The following ADGRL3 variants were observed in gnomAD, a reference collection of about 807,000 sequenced individuals.
ADGRL3 encodes the protein calcium-independent alpha-latrotoxin receptor 3.
Under a neutral mutation model 153.5 loss-of-function variants are expected in ADGRL3, and 62 were observed. The ratio of observed to expected loss-of-function variants is 0.40; its 90% CI spans 0.33 to 0.50. The LOEUF is 0.50. ADGRL3 is among the 20% of genes least tolerant of loss of function. ADGRL3 has a pLI of 0.47. For synonymous variants in ADGRL3, 710 were observed against 672.5 expected (o/e 1.06, Z -0.86); for missense variants, 1,641 against 1,859.4 (o/e 0.88, Z 2.16).
At chr4:61,523,584 G>A (rs1228472821) in intron 4 of ADGRL3, among the ~76,000 whole-genome samples, 1 of 152,030 alleles carries the variant, frequency 6.6e-6, no homozygotes, top group Non-Finnish European at 1.5e-5. Context: ...CTTATTTTAT[G>A]TGGGAAGAAA....
chr4:61,426,705 G>A (rs1193860407), intron 2 of ADGRL3: 2 of 152,240 alleles, frequency 1.3e-5, no homozygotes, highest in Non-Finnish European at 2.9e-5. Context: ...AACACAAAAG[G>A]CTCTTTACCT....
chr4:61,498,687 TTG>T (rs2098349009), intron 3 of ADGRL3, among the ~76,000 whole-genome samples: 1 of 152,214 alleles, frequency 6.6e-6, no homozygotes, highest in African/African-American at 2.4e-5. Context: ...TTAGACATCT[TTG>T]TATTTATAGC....
rs148976196 is a variant in ADGRL3 at position 61,741,615 on chromosome 4, G to A, written c.1399+8061G>A. Among the ~76,000 whole-genome samples, 150 of 152,274 alleles carry A rather than the reference G, an allele frequency of 9.9e-4. 1 individual carries two copies. In the East Asian group the frequency reaches 0.024, roughly 25 times the overall value. On this transcript the variant is annotated intron_variant, in intron 8 of 26. Coordinates refer to ENST00000683033, the MANE Select transcript of ADGRL3 (RefSeq NM_001387552.1). ...TCACAGCAGCTGAATTTTCTCTTAC[G>A]CTTTTTTTTAAACCTTTCCTGTATT...
Position 61,398,161 on chromosome 4 carries a change from G to A in ADGRL3, c.-174+14972G>A, listed in dbSNP as rs535761146. The stretch of plus-strand genomic sequence containing the variant: ...TCCTGAAAGTGTTAATGTTCTTTGT[G>A]ATATGTTCAAGAATTAAGAATAAGA... On this transcript the variant is annotated intron_variant, in intron 2 of 26. Transcript: ENST00000683033. Among the ~76,000 whole-genome samples, 420 of 151,850 alleles carry A rather than the reference G, an allele frequency of 2.8e-3. 2 individuals are homozygous for A. The highest frequency in any genetic ancestry group is 9.6e-3 in the African/African-American group (399 of 41,498).
Position 61,517,432 on chromosome 4 carries a change from C to T in ADGRL3, c.173C>T (p.Thr58Ile), listed in dbSNP as rs759286360. The stretch of plus-strand genomic sequence containing the variant: ...CTTCAGCAGCCAGCTGCAGAGCGCA[C>T]CGCTGCTCATCGTGGACAAGGGCCC... ...HLLQQPAAER[T>I]AAHRGQGPRG... Residue 58 changes from threonine to isoleucine, a missense_variant, in exon 4 of 27, where the codon ACC becomes ATC. Physicochemically the swap from Thr to Ile is moderately conservative, Grantham distance 89. Transcript: ENST00000683033. 11 of 796,410 alleles carry T rather than the reference C, an allele frequency of 1.4e-5. No homozygotes were observed. In the South Asian group the frequency reaches 1.6e-4, roughly 11 times the overall value. 49.3% of individuals were successfully genotyped at this position (796,410 alleles called of 1,614,324 possible).
At chr4:62,068,208 C>A in intron 26 of ADGRL3, 25 bp downstream of exon 26, 1 of 1,582,540 alleles carries the variant, frequency 6.3e-7, no homozygotes, top group Non-Finnish European at 8.5e-7. Context: ...CTAAACATTG[C>A]ATATCAAATG....
intron 4 of ADGRL3, among the ~76,000 whole-genome samples, chr4:61,576,306 G>A (rs1038214419): frequency 6.6e-6 from 1 of 151,986 alleles, no homozygotes; most frequent in Middle Eastern, 3.4e-3. Context: ...AGCATACGAT[G>A]TGGGGCTTTT....
At chr4:61,896,037 T>C (rs2098629507) in intron 11 of ADGRL3, among the ~76,000 whole-genome samples, 1 of 152,164 alleles carries the variant, frequency 6.6e-6, no homozygotes, top group African/African-American at 2.4e-5. Flanking sequence ...TCTTCTTATA[T>C]TGCTTATAAT....
intron 5 of ADGRL3, among the ~76,000 whole-genome samples, chr4:61,649,282 A>G (rs556367754): frequency 2.8e-4 from 43 of 152,256 alleles, no homozygotes; most frequent in African/African-American, 9.6e-4. Context: ...CCAGATATGT[A>G]TGCCTCTAGG....
At chr4:61,550,060 TGA>T (rs1457950198) in intron 4 of ADGRL3, among the ~76,000 whole-genome samples, 2 of 152,004 alleles carry the variant, frequency 1.3e-5, no homozygotes, top group Non-Finnish European at 2.9e-5. Flanking sequence ...TGTTTTGATT[TGA>T]GAGTAATTTT....
intron 9 of ADGRL3, among the ~76,000 whole-genome samples, chr4:61,852,308 AT>A (rs2149168527): frequency 6.6e-6 from 1 of 151,114 alleles, no homozygotes; most frequent in Non-Finnish European, 1.5e-5. Context: ...ATTTTATTTT[AT>A]TTTATTTTAT....
chr4:61,665,156 A>G (rs1008071523), intron 5 of ADGRL3, among the ~76,000 whole-genome samples: 5 of 152,190 alleles, frequency 3.3e-5, no homozygotes, highest in African/African-American at 9.6e-5. Flanking sequence ...CCCGCCTGTA[A>G]TTCCAGCACT....
chr4:61,499,554 A>G (rs1434179214), intron 3 of ADGRL3, among the ~76,000 whole-genome samples: 2 of 152,192 alleles, frequency 1.3e-5, no homozygotes, highest in Admixed American at 6.5e-5. Flanking sequence ...AATAAATAGC[A>G]TATGTAAATA....
chr4:61,551,351 A>G (rs1039411112), intron 4 of ADGRL3, among the ~76,000 whole-genome samples: 4 of 152,160 alleles, frequency 2.6e-5, no homozygotes, highest in African/African-American at 4.8e-5. Context: ...ATCAGAATGT[A>G]TCATTTCAGC....
intron 11 of ADGRL3, among the ~76,000 whole-genome samples, chr4:61,904,458 T>A (rs1286724065): frequency 6.6e-6 from 1 of 152,126 alleles, no homozygotes; most frequent in Non-Finnish European, 1.5e-5. Context: ...TTCTTTATTA[T>A]CTTTTGTATT....
chr4:61,800,074 G>C (rs534267890), intron 8 of ADGRL3, among the ~76,000 whole-genome samples: 1 of 152,230 alleles, frequency 6.6e-6, no homozygotes, highest in South Asian at 2.1e-4. Context: ...TGAACCTCTT[G>C]TGTACTGGGA....
intron 12 of ADGRL3, among the ~76,000 whole-genome samples, chr4:61,911,108 A>C (rs2098720043): frequency 6.6e-6 from 1 of 152,164 alleles, no homozygotes. Flanking sequence ...GTTGTTGCCC[A>C]GACTGGCTGG....
chr4:61,606,373 A>G (rs1388226102), intron 5 of ADGRL3, among the ~76,000 whole-genome samples: 1 of 152,192 alleles, frequency 6.6e-6, no homozygotes, highest in Non-Finnish European at 1.5e-5. Flanking sequence ...ATAACAAAAT[A>G]CCAGAGATTG....
intron 25 of ADGRL3, 112 bp downstream of exon 25, chr4:62,044,661 G>T: frequency 1.6e-6 from 1 of 640,170 alleles, no homozygotes; most frequent in South Asian, 2.7e-5. Flanking sequence ...TAGAAACATT[G>T]TAAGAACATA....
Sources: allele counts gnomAD v4.1 joint callset (sites outside exome capture counted in the v4.1 genomes callset), GRCh38; gene constraint gnomAD v4.1.1; transcripts MANE v1.5; gene names NCBI Gene and HGNC (gene_info 2026-07-23, HGNC 2026-07-21).